MMS22L: variants seen among roughly 807,000 people sequenced by gnomAD.
MMS22L encodes protein MMS22-like.
MMS22L carries 74 observed loss-of-function variants against 159.1 expected under a neutral mutation model. That is an observed-to-expected ratio of 0.47 (90% CI 0.39 to 0.56). The LOEUF (loss-of-function observed/expected upper bound fraction) is 0.56, where lower values mean the gene tolerates loss of function less well. MMS22L is among the 20% of genes least tolerant of loss of function. The pLI is 0.00. For missense variants in MMS22L, 1,351 were observed against 1,422.1 expected, an observed-to-expected ratio of 0.95 and a Z score of 0.80; for synonymous variants, 517 against 506.9, an observed-to-expected ratio of 1.02 and a Z score of -0.27.
chr6:97,165,236 T>C lies in MMS22L; in HGVS notation c.3221+10A>G. Reference sequence around the variant, plus strand: ...TGTACATACCACCTATATTTAATATTTAGATGTACCTTATGACTTGCACAA... The same window carrying C: ...TGTACATACCACCTATATTTAATATCTAGATGTACCTTATGACTTGCACAA... On this transcript the variant is annotated intron_variant, in intron 21 of 24. Transcript: ENST00000683635. 1 of 1,606,334 alleles carries C rather than the reference T, an allele frequency of 6.2e-7. No individual in the cohort carries two copies. The highest frequency in any genetic ancestry group is 8.5e-7 in the Non-Finnish European group (1 of 1,173,612).
intron 11 of MMS22L, among the ~76,000 whole-genome samples, chr6:97,236,378 G>GAGAGCAGA (rs1054942239): frequency 3.3e-5 from 5 of 150,854 alleles, no homozygotes; most frequent in Admixed American, 2.0e-4. Context: ...AGTCATTTTG[G>GAGAGCAGA]AGAGCAGAAA....
intron 14 of MMS22L, among the ~76,000 whole-genome samples, chr6:97,217,638 A>C (rs1311840275): frequency 6.6e-6 from 1 of 152,198 alleles, no homozygotes; most frequent in African/African-American, 2.4e-5. Flanking sequence ...ATCAGCTCTG[A>C]CCTAGATTAC....
chr6:97,182,416 A>C (rs111391570), intron 15 of MMS22L, among the ~76,000 whole-genome samples: 1 of 152,090 alleles, frequency 6.6e-6, no homozygotes, highest in Non-Finnish European at 1.5e-5. Flanking sequence ...TCTTCTAAGG[A>C]AGCAAATTTG....
chr6:97,238,612 T>C (rs1811704868), intron 11 of MMS22L, among the ~76,000 whole-genome samples: 1 of 150,884 alleles, frequency 6.6e-6, no homozygotes, highest in Non-Finnish European at 1.5e-5. Flanking sequence ...TGTTTGAGTG[T>C]ATCAGACGGG....
intron 14 of MMS22L, among the ~76,000 whole-genome samples, chr6:97,218,833 A>G (rs952131090): frequency 6.6e-6 from 1 of 152,156 alleles, no homozygotes; most frequent in African/African-American, 2.4e-5. Context: ...GGGAACCCAA[A>G]ATCATGGAGG....
At chr6:97,187,830 C>T (rs145478796) in intron 14 of MMS22L, among the ~76,000 whole-genome samples, 13 of 152,238 alleles carry the variant, frequency 8.5e-5, no homozygotes, top group African/African-American at 2.6e-4. Flanking sequence ...TAGAATATTT[C>T]GCATAACTAC....
chr6:97,192,303 A>G (rs1257255488), intron 14 of MMS22L, among the ~76,000 whole-genome samples: 2 of 152,204 alleles, frequency 1.3e-5, no homozygotes, highest in African/African-American at 4.8e-5. Context: ...TTACCGTCAC[A>G]TATAATTACA....
intron 20 of MMS22L, among the ~76,000 whole-genome samples, chr6:97,165,803 A>G (rs1168076851): frequency 2.6e-5 from 4 of 152,154 alleles, no homozygotes; most frequent in Non-Finnish European, 5.9e-5. Context: ...AAAGTTATAA[A>G]ACACCTTTAG....
chr6:97,159,584 T>C (rs974258082), intron 22 of MMS22L, among the ~76,000 whole-genome samples: 2 of 151,972 alleles, frequency 1.3e-5, no homozygotes, highest in Non-Finnish European at 2.9e-5. Context: ...CAAATACATA[T>C]CTTAACTTCT....
At chr6:97,163,961 G>A (rs888133988) in intron 21 of MMS22L, among the ~76,000 whole-genome samples, 3 of 152,030 alleles carry the variant, frequency 2.0e-5, no homozygotes, top group Non-Finnish European at 4.4e-5. Flanking sequence ...TAAGGAGCAT[G>A]AAATTTATTT....
intron 22 of MMS22L, among the ~76,000 whole-genome samples, chr6:97,153,172 T>A (rs1191551434): frequency 2.0e-5 from 3 of 152,078 alleles, no homozygotes; most frequent in African/African-American, 4.8e-5. Flanking sequence ...AGCTTTATTG[T>A]CATATAATTC....
At chr6:97,241,763 C>G (rs908037000) in intron 11 of MMS22L, among the ~76,000 whole-genome samples, 3 of 152,106 alleles carry the variant, frequency 2.0e-5, no homozygotes, top group African/African-American at 7.2e-5. Context: ...TTCCTCTTAG[C>G]ACTGCTTTTG....
intron 1 of MMS22L, 117 bp from the exon 2 acceptor site, chr6:97,282,670 T>G: frequency 8.7e-6 from 4 of 460,996 alleles, no homozygotes; most frequent in Admixed American, 7.8e-5. Context: ...AATTCCCAAT[T>G]CCCCCTCGCC....
chr6:97,235,134 C>G (rs73494469), intron 11 of MMS22L, among the ~76,000 whole-genome samples: 205 of 152,198 alleles, frequency 1.3e-3, no homozygotes, highest in African/African-American at 4.8e-3. Context: ...TGCAGGGAGA[C>G]CAGGTAGGAG....
chr6:97,168,957 C>T (rs1803253964), intron 19 of MMS22L, among the ~76,000 whole-genome samples: 1 of 151,912 alleles, frequency 6.6e-6, no homozygotes, highest in Non-Finnish European at 1.5e-5. Flanking sequence ...TTTGTTGGTA[C>T]CCCTATTTCT....
At chr6:97,170,914 C>T (rs189998559) in intron 19 of MMS22L, among the ~76,000 whole-genome samples, 48 of 151,954 alleles carry the variant, frequency 3.2e-4, no homozygotes, top group Non-Finnish European at 5.0e-4. Context: ...GACTGAGGCA[C>T]GAGAATTGTT....
chr6:97,169,154 A>G (rs1236257575), intron 19 of MMS22L, among the ~76,000 whole-genome samples: 2 of 152,100 alleles, frequency 1.3e-5, no homozygotes, highest in East Asian at 3.9e-4. Context: ...AACAAACAAA[A>G]TTTTAATTCT....
intron 14 of MMS22L, among the ~76,000 whole-genome samples, chr6:97,189,874 T>A (rs924330404): frequency 5.9e-5 from 9 of 152,192 alleles, no homozygotes; most frequent in Non-Finnish European, 1.3e-4. Flanking sequence ...CAGAACCTAG[T>A]TGTTTAAGAC....
chr6:97,174,720 T>G (rs537257193), intron 18 of MMS22L, among the ~76,000 whole-genome samples: 1 of 152,092 alleles, frequency 6.6e-6, no homozygotes, highest in Non-Finnish European at 1.5e-5. Context: ...GTCACGGAAG[T>G]GGGTGGATGA....
Sources: gnomAD v4.1 joint callset for allele counts (sites outside exome capture counted in the v4.1 genomes callset) on GRCh38, gnomAD v4.1.1 for gene constraint, MANE v1.5 for transcripts, NCBI Gene and HGNC (gene_info 2026-07-23, HGNC 2026-07-21) for gene names.